SPATA16: variants seen among roughly 807,000 people sequenced by gnomAD.
SPATA16 encodes the protein spermatogenesis associated 16, also known as spermatogenesis-associated protein 16.
A neutral mutation model predicts 63.3 loss-of-function variants in SPATA16; 36 were observed. The ratio of observed to expected loss-of-function variants is 0.57; its 90% CI spans 0.44 to 0.75. The LOEUF (loss-of-function observed/expected upper bound fraction) is 0.75. Among genes scored for constraint, SPATA16 ranks in the 30% least tolerant of loss-of-function variants. The probability of loss-of-function intolerance (pLI) is 0.00; values close to 1 mark genes in which losing one functional copy is unlikely to be tolerated. For synonymous variants in SPATA16, 203 were observed against 216.7 expected (o/e 0.94, Z 0.56); for missense variants, 646 against 679.3 (o/e 0.95, Z 0.54).
chr3:173,006,052 T>C (rs1028357080), intron 4 of SPATA16, among the ~76,000 whole-genome samples: 11 of 152,212 alleles, frequency 7.2e-5, no homozygotes, highest in Admixed American at 6.5e-4. Flanking sequence ...ATAAGACTTC[T>C]ACTACTTACC....
In SPATA16 at chr3:173,069,241, G is replaced by T. The variant is rs117883906; in HGVS notation, c.613-20147C>A. Among the ~76,000 whole-genome samples, 158 of 151,800 alleles carry T rather than the reference G, an allele frequency of 1.0e-3. 2 individuals carry two copies. In the East Asian group the frequency reaches 0.027, roughly 26 times the overall value. ...GATAAACAAAATTAACAAACTTTTA[G>T]CAAGACTAAGAAAAAAAGAAAGAAG... On this transcript the variant is annotated intron_variant, in intron 2 of 10. Coordinates refer to ENST00000351008, the MANE Select transcript of SPATA16 (RefSeq NM_031955.6).
rs150971252 is a variant in SPATA16 at position 173,078,142 on chromosome 3, A to T, written c.613-29048T>A. On this transcript the variant is annotated intron_variant, in intron 2 of 10. Transcript: ENST00000351008. ...CTTATATTATTTTCATTTTATAGAT[A>T]AAAAAAATTGGGCTTGAGAAATTTA... Among the ~76,000 whole-genome samples the T allele has an allele frequency of 4.3e-3, 647 of 152,088 alleles. 6 individuals carry two copies. Among genetic ancestry groups the T allele is most frequent in the African/African-American group, 0.015 (605 of 41,510 alleles).
chr3:172,909,834 A>G (rs544489501), intron 10 of SPATA16, among the ~76,000 whole-genome samples: 1 of 152,264 alleles, frequency 6.6e-6, no homozygotes, highest in Non-Finnish European at 1.5e-5. Context: ...ATGTCGCAAA[A>G]TAGTGGCAAA....
chr3:172,902,175 C>G (rs939090172), intron 10 of SPATA16, among the ~76,000 whole-genome samples: 3 of 152,074 alleles, frequency 2.0e-5, no homozygotes, highest in Non-Finnish European at 4.4e-5. Context: ...GTAGCTGGGA[C>G]TACAGGCATG....
chr3:172,964,773 A>G (rs1733873648), intron 5 of SPATA16, among the ~76,000 whole-genome samples: 1 of 152,206 alleles, frequency 6.6e-6, no homozygotes, highest in Non-Finnish European at 1.5e-5. Context: ...GGGTTGGGAC[A>G]AAGACCTGGT....
At chr3:173,020,692 G>C (rs1222723466) in intron 3 of SPATA16, among the ~76,000 whole-genome samples, 3 of 152,180 alleles carry the variant, frequency 2.0e-5, no homozygotes, top group African/African-American at 7.2e-5. Flanking sequence ...CAAGGTGTTT[G>C]ATATAACAGG....
Position 172,889,400 on chromosome 3 carries a change from T to C in SPATA16, c.*170A>G. 1 of 923,848 alleles carries C rather than the reference T, an allele frequency of 1.1e-6. No homozygotes were observed. Among genetic ancestry groups the C allele is most frequent in the Non-Finnish European group, 1.7e-6 (1 of 596,886 alleles). 57.2% of individuals were successfully genotyped at this position (923,848 alleles called of 1,614,324 possible). A position where few individuals can be genotyped will look rare whatever the true frequency, so the allele number is the denominator to read the frequency against. ...GAATATTTATTGCTGCCAGTTGAGA[T>C]TAATGAAACATAGAGTGTCTTTGGT... On this transcript the variant is annotated 3_prime_UTR_variant, in exon 11 of 11. Coordinates refer to ENST00000351008, the MANE Select transcript of SPATA16 (RefSeq NM_031955.6).
intron 2 of SPATA16, among the ~76,000 whole-genome samples, chr3:173,083,987 C>A (rs2108315022): frequency 6.6e-6 from 1 of 151,802 alleles, no homozygotes; most frequent in South Asian, 2.1e-4. Flanking sequence ...CCTAAATATG[C>A]ATGCATGTAT....
chr3:173,069,370 A>G (rs1172105266), intron 2 of SPATA16, among the ~76,000 whole-genome samples: 1 of 152,176 alleles, frequency 6.6e-6, no homozygotes, highest in Admixed American at 6.5e-5. Context: ...ACATCAATAA[A>G]TTGGAAAAAC....
chr3:173,042,264 C>G, intron 3 of SPATA16, among the ~76,000 whole-genome samples: 1 of 152,062 alleles, frequency 6.6e-6, no homozygotes, highest in Admixed American at 6.6e-5. Context: ...CTGTCTCGCC[C>G]AGGCTGGAGT....
At position 172,902,211 on chromosome 3, in the gene SPATA16, T is replaced by A. The variant is rs192930065; in HGVS notation, c.1587+11450A>T. 8.7e-4 allele frequency among the ~76,000 whole-genome samples: 129 copies of A among 148,944 alleles called. No homozygotes were observed. In the Middle Eastern group the frequency reaches 0.024, roughly 27 times the overall value. ...TGCCACAACACCCAGCTAATTTTTGTATTTTTTTAGTAGAGATGGGGTTTC... is the reference window on the plus strand; with the variant it reads ...TGCCACAACACCCAGCTAATTTTTGAATTTTTTTAGTAGAGATGGGGTTTC... On this transcript the variant is annotated intron_variant, in intron 10 of 10. Coordinates refer to ENST00000351008, the MANE Select transcript of SPATA16 (RefSeq NM_031955.6).
Position 172,967,614 on chromosome 3 carries a change from C to T in SPATA16, c.933+9354G>A, listed in dbSNP as rs531416422. Among the ~76,000 whole-genome samples the T allele has an allele frequency of 1.8e-4, 27 of 152,296 alleles. No individual in the cohort carries two copies. The South Asian group carries it at 3.5e-3, about 20-fold the overall frequency. ...AGGCCACAAAGCAGGAGGTGAGTGGCGGGCCAGTAAGAAGCTTTATCTGTA... is the reference window on the plus strand; with the variant it reads ...AGGCCACAAAGCAGGAGGTGAGTGGTGGGCCAGTAAGAAGCTTTATCTGTA... On this transcript the variant is annotated intron_variant, in intron 5 of 10. Coordinates refer to ENST00000351008, the MANE Select transcript of SPATA16 (RefSeq NM_031955.6).
chr3:172,959,787 CATATATATATATAT>C (rs66806016), intron 5 of SPATA16, among the ~76,000 whole-genome samples: 2,622 of 135,504 alleles, frequency 0.019, 80 homozygotes, highest in African/African-American at 0.059. Context: ...AGTAATATAA[CATATATATATATAT>C]ATATATATAT....
chr3:173,080,350 C>A (rs1441940550), intron 2 of SPATA16, among the ~76,000 whole-genome samples: 1 of 152,174 alleles, frequency 6.6e-6, no homozygotes, highest in African/African-American at 2.4e-5. Flanking sequence ...AGAAAGCAAA[C>A]AAGCAAACTG....
At chr3:173,067,300 G>C (rs1171627868) in intron 2 of SPATA16, among the ~76,000 whole-genome samples, 1 of 152,176 alleles carries the variant, frequency 6.6e-6, no homozygotes, top group African/African-American at 2.4e-5. Context: ...CAGCAACATG[G>C]ATGATGTTGG....
chr3:172,892,783 G>T (rs1170590873), intron 10 of SPATA16, among the ~76,000 whole-genome samples: 1 of 152,134 alleles, frequency 6.6e-6, no homozygotes, highest in Non-Finnish European at 1.5e-5. Flanking sequence ...TGAAGCAGAG[G>T]CTTTATTAGA....
At chr3:173,132,922 G>A (rs1738423901) in intron 1 of SPATA16, among the ~76,000 whole-genome samples, 3 of 152,014 alleles carry the variant, frequency 2.0e-5, no homozygotes, top group Non-Finnish European at 4.4e-5. Context: ...CCAACTCAGA[G>A]ACCAAGATGG....
At chr3:172,958,118 A>C (rs1001304960) in intron 5 of SPATA16, among the ~76,000 whole-genome samples, 2 of 152,180 alleles carry the variant, frequency 1.3e-5, no homozygotes, top group Non-Finnish European at 2.9e-5. Context: ...CAAGGAACTG[A>C]ATGGGGAACA....
At chr3:173,107,451 C>A (rs545392306) in intron 2 of SPATA16, among the ~76,000 whole-genome samples, 3,928 of 137,550 alleles carry the variant, frequency 0.029, 165 homozygotes, top group African/African-American at 0.11. Flanking sequence ...ATCTCTCTCT[C>A]TCTATTTTTT....
Sources: gnomAD v4.1 joint callset for allele counts (sites outside exome capture counted in the v4.1 genomes callset) on GRCh38, gnomAD v4.1.1 for gene constraint, MANE v1.5 for transcripts, NCBI Gene and HGNC (gene_info 2026-07-23, HGNC 2026-07-21) for gene names.